Variants in SCN3B observed in about 807,000 individuals in gnomAD.
The protein encoded by SCN3B is sodium voltage-gated channel beta subunit 3.
SCN3B carries 11 observed loss-of-function variants against 25.4 expected under a neutral mutation model. The ratio of observed to expected loss-of-function variants is 0.43; its 90% CI spans 0.27 to 0.72. The LOEUF is 0.72. Among genes scored for constraint, SCN3B ranks in the 30% least tolerant of loss-of-function variants. SCN3B has a pLI of 0.18. For missense variants in SCN3B, 218 were observed against 278.3 expected (o/e 0.78, Z 1.54); for synonymous variants, 109 against 110.7 (o/e 0.99, Z 0.09).
rs1191935742 is a variant in SCN3B at position 123,633,615 on chromosome 11, G to A, written c.*184C>T. On this transcript the variant is annotated 3_prime_UTR_variant, in exon 7 of 7. Transcript: ENST00000299333. ...GGTGCGTAGAGGTCTGATGGAGTTA[G>A]GGAGTCAGAGGTGAAAGCTCAGAGG... 4.7e-6 allele frequency: 1 copy of A among 211,934 alleles called. No homozygotes were observed. The highest frequency in any genetic ancestry group is 9.6e-6 in the Non-Finnish European group (1 of 104,174). 13.1% of individuals were successfully genotyped at this position (211,934 alleles called of 1,614,324 possible).
intron 2 of SCN3B, among the ~76,000 whole-genome samples, chr11:123,651,359 G>A (rs1456337548): frequency 2.0e-5 from 3 of 150,822 alleles, no homozygotes; most frequent in Admixed American, 6.6e-5. Flanking sequence ...TGTGAAGGGC[G>A]GCTGTTTTTC....
chr11:123,633,889 T>C (rs1213147379), intron 6 of SCN3B, 113 bp from the exon 7 acceptor site: 1 of 468,672 alleles, frequency 2.1e-6, no homozygotes, highest in African/African-American at 2.0e-5. Context: ...TCTGTTACCA[T>C]GGGCAAGTTC....
chr11:123,644,881 A>G (rs1955837381), intron 3 of SCN3B, among the ~76,000 whole-genome samples: 1 of 150,734 alleles, frequency 6.6e-6, no homozygotes, highest in South Asian at 2.1e-4. Flanking sequence ...ATATATATAT[A>G]TACACACACA....
In SCN3B at chr11:123,634,114, A is replaced by C. The variant is rs1955700230; in HGVS notation, c.*22+7T>G. The C allele has an allele frequency of 6.2e-7, 1 of 1,606,978 alleles. No individual in the cohort carries two copies. Among genetic ancestry groups the C allele is most frequent in the East Asian group, 2.2e-5 (1 of 44,802 alleles). On this transcript the variant is annotated splice_region_variant and intron_variant, in intron 6 of 6. Transcript: ENST00000299333. ...CTGCCTTCCCCTCCCATGTTCCTGT[A>C]GGTCACCTCATGTCACACTGCTCCT...
chr11:123,640,491 G>A (rs1477207632), intron 4 of SCN3B: 1 of 151,584 alleles, frequency 6.6e-6, no homozygotes, highest in Non-Finnish European at 1.5e-5. Context: ...AGCAAGATGA[G>A]GGCAGGGAGT....
In SCN3B at chr11:123,649,718, T is replaced by G. The variant is rs555061905; in HGVS notation, c.56-3968A>C. On this transcript the variant is annotated intron_variant, in intron 2 of 6. Transcript: ENST00000299333. ...CTCTGTCTCTCTCTCTTTCTTTTTT[T>G]TTTAGATGGAGTTTCACTCTTGTCA... is the stretch of plus-strand genomic sequence containing the variant. Among the ~76,000 whole-genome samples, 50 of 152,018 alleles carry G rather than the reference T, an allele frequency of 3.3e-4. 1 individual carries two copies. In the South Asian group the frequency reaches 0.01, roughly 31 times the overall value.
intron 2 of SCN3B, among the ~76,000 whole-genome samples, chr11:123,649,442 T>C (rs555619073): frequency 1.1e-3 from 173 of 152,244 alleles, no homozygotes; most frequent in Non-Finnish European, 2.0e-3. Flanking sequence ...AGAACTCTGC[T>C]CGTATGATCC....
chr11:123,644,544 G>T (rs962569622), intron 3 of SCN3B, among the ~76,000 whole-genome samples: 3 of 152,086 alleles, frequency 2.0e-5, no homozygotes, highest in African/African-American at 7.2e-5. Context: ...GGCCGAGGTG[G>T]GTGGATCACC....
chr11:123,649,387 A>G (rs1955892959), intron 2 of SCN3B, among the ~76,000 whole-genome samples: 1 of 152,162 alleles, frequency 6.6e-6, no homozygotes, highest in South Asian at 2.1e-4. Flanking sequence ...TCATAGAGCA[A>G]GTCCCACTCC....
rs1955959844 is a variant in SCN3B, at chr11:123,653,771, C to T, written c.31G>A (p.Ala11Thr). ...CCCCAGTAGATAAGCACGAGAGAAG[C>T]CAGGGGAAACAATCTATTGAAGGCA... MPAFNRLFPL[A>T]SLVLIYWVSV... Residue 11 changes from alanine (A) to threonine (T), a missense_variant, in exon 2 of 7, where the codon GCT becomes ACT. By Grantham distance (58) the Ala-to-Thr change is moderately conservative. Coordinates refer to ENST00000299333, the MANE Select transcript of SCN3B (RefSeq NM_001040151.2). 6.2e-7 allele frequency: 1 copy of T among 1,614,192 alleles called. No individual in the cohort carries two copies. The highest frequency in any genetic ancestry group is 8.5e-7 in the Non-Finnish European group (1 of 1,180,024).
intron 5 of SCN3B, among the ~76,000 whole-genome samples, chr11:123,635,410 C>A (rs546047509): frequency 5.9e-5 from 9 of 152,036 alleles, no homozygotes; most frequent in Non-Finnish European, 8.8e-5. Flanking sequence ...TCTGGCTGGG[C>A]GCAGTGGCTC....
intron 3 of SCN3B, 117 bp downstream of exon 3, chr11:123,645,470 T>G: frequency 9.5e-7 from 1 of 1,051,260 alleles, no homozygotes; most frequent in Non-Finnish European, 1.5e-6. Context: ...GATCTGTCAG[T>G]GTTTGGAAGA....
intron 6 of SCN3B, 162 bp downstream of exon 6, chr11:123,633,959 A>T (rs749924543): frequency 2.8e-5 from 18 of 634,368 alleles, no homozygotes; most frequent in Non-Finnish European, 5.2e-5. Flanking sequence ...CATCATACAG[A>T]GCTTTCTGAC....
chr11:123,644,617 C>T (rs954163452), intron 3 of SCN3B, among the ~76,000 whole-genome samples: 1 of 151,722 alleles, frequency 6.6e-6, no homozygotes, highest in Admixed American at 6.6e-5. Flanking sequence ...ACTAAAAATA[C>T]CAAAATTAGC....
chr11:123,640,112 C>G (rs1331579970), intron 4 of SCN3B: 2 of 152,230 alleles, frequency 1.3e-5, no homozygotes, highest in Admixed American at 1.3e-4. Context: ...CAGGATCACC[C>G]AGGTTTCCAA....
At chr11:123,651,044 G>A (rs1055244982) in intron 2 of SCN3B, among the ~76,000 whole-genome samples, 24 of 151,728 alleles carry the variant, frequency 1.6e-4, no homozygotes, top group African/African-American at 5.6e-4. Context: ...GCAATATGGC[G>A]AGACATCGTC....
chr11:123,644,531 G>A (rs1403491084), intron 3 of SCN3B, among the ~76,000 whole-genome samples: 1 of 152,136 alleles, frequency 6.6e-6, no homozygotes, highest in Non-Finnish European at 1.5e-5. Context: ...CAGCACTTTG[G>A]GAGGCCGAGG....
intron 2 of SCN3B, among the ~76,000 whole-genome samples, chr11:123,650,391 T>C (rs1410228965): frequency 6.6e-6 from 1 of 152,202 alleles, no homozygotes; most frequent in Non-Finnish European, 1.5e-5. Flanking sequence ...GATTAGAATA[T>C]AAACAATTTC....
intron 2 of SCN3B, among the ~76,000 whole-genome samples, chr11:123,653,199 CTATT>C (rs1354865614): frequency 1.3e-5 from 2 of 152,102 alleles, no homozygotes; most frequent in East Asian, 3.9e-4. Flanking sequence ...TCACAGTTGC[CTATT>C]TATTTAATAT....
Sources: allele counts gnomAD v4.1 joint callset (sites outside exome capture counted in the v4.1 genomes callset), GRCh38; gene constraint gnomAD v4.1.1; transcripts MANE v1.5; gene names NCBI Gene and HGNC (gene_info 2026-07-23, HGNC 2026-07-21).